Variants in RAPGEF2 observed in about 807,000 individuals in gnomAD.
RAPGEF2 encodes PDZ domain containing guanine nucleotide exchange factor (GEF) 1.
In RAPGEF2, 54 loss-of-function variants were observed where a neutral mutation model predicts 186.7. The observed-to-expected ratio is 0.29, with a 90% CI of 0.23 to 0.36. RAPGEF2 has a LOEUF of 0.36. Among genes scored for constraint, RAPGEF2 ranks in the 10% least tolerant of loss-of-function variants. The pLI is 1.00. For missense variants in RAPGEF2, 1,532 were observed against 2,045.0 expected (o/e 0.75, Z 4.84); for synonymous variants, 712 against 705.9 (o/e 1.01, Z -0.14).
intron 28 of RAPGEF2, among the ~76,000 whole-genome samples, chr4:159,354,550 G>C (rs1285943476): frequency 6.6e-6 from 1 of 152,192 alleles, no homozygotes; most frequent in Non-Finnish European, 1.5e-5. Context: ...GAAGGAGGGA[G>C]AGGTGCTAAT....
At chr4:159,295,376 G>A (rs1761811340) in intron 7 of RAPGEF2, among the ~76,000 whole-genome samples, 1 of 152,148 alleles carries the variant, frequency 6.6e-6, no homozygotes, top group Non-Finnish European at 1.5e-5. Context: ...ATTATATGCA[G>A]AGTGCATGCC....
intron 19 of RAPGEF2, 89 bp from the exon 20 acceptor site, chr4:159,341,475 C>T: frequency 2.9e-6 from 4 of 1,364,412 alleles, no homozygotes; most frequent in Admixed American, 2.5e-5. Context: ...CTCTCTCAAA[C>T]TTTCCATAAA....
intron 1 of RAPGEF2, among the ~76,000 whole-genome samples, chr4:159,106,303 C>T (rs1025422506): frequency 3.2e-4 from 49 of 152,180 alleles, no homozygotes; most frequent in African/African-American, 7.7e-4. Flanking sequence ...CTACAAATCC[C>T]CACGTTTATT....
intron 3 of RAPGEF2, among the ~76,000 whole-genome samples, chr4:159,205,252 G>A (rs975380015): frequency 6.6e-6 from 1 of 151,998 alleles, no homozygotes; most frequent in African/African-American, 2.4e-5. Flanking sequence ...CAGAAACTGG[G>A]GAATTGGGTG....
At chr4:159,309,838 A>G (rs1008582388) in intron 8 of RAPGEF2, among the ~76,000 whole-genome samples, 3 of 152,216 alleles carry the variant, frequency 2.0e-5, no homozygotes, top group African/African-American at 7.2e-5. Flanking sequence ...AGGATGTAAT[A>G]TGTAATAGAG....
intron 9 of RAPGEF2, among the ~76,000 whole-genome samples, chr4:159,321,674 G>C (rs1404634169): frequency 6.6e-6 from 1 of 152,168 alleles, no homozygotes; most frequent in African/African-American, 2.4e-5. Context: ...TTTAAAAATA[G>C]AAAACCCAGT....
intron 5 of RAPGEF2, among the ~76,000 whole-genome samples, chr4:159,240,731 A>T (rs1401684011): frequency 1.3e-5 from 2 of 152,142 alleles, no homozygotes; most frequent in Non-Finnish European, 2.9e-5. Flanking sequence ...ACCCTTGCGT[A>T]ACCTACCAAA....
intron 8 of RAPGEF2, among the ~76,000 whole-genome samples, chr4:159,308,231 A>G (rs1293394011): frequency 6.6e-6 from 1 of 151,958 alleles, no homozygotes; most frequent in Non-Finnish European, 1.5e-5. Context: ...ATCCCTGTGC[A>G]TCATTTCAGT....
At chr4:159,258,088 T>A (rs1279103286) in intron 7 of RAPGEF2, among the ~76,000 whole-genome samples, 1 of 152,220 alleles carries the variant, frequency 6.6e-6, no homozygotes, top group African/African-American at 2.4e-5. Context: ...GCAATTCTAA[T>A]AATGATAACC....
chr4:159,239,514 CTT>C (rs1007642530), intron 5 of RAPGEF2, among the ~76,000 whole-genome samples: 4 of 152,076 alleles, frequency 2.6e-5, no homozygotes, highest in African/African-American at 9.7e-5. Flanking sequence ...TCTTTTCCCT[CTT>C]TTTAATGTAA....
Position 159,346,905 on chromosome 4 carries a change from C to G in RAPGEF2, c.3619C>G (p.Pro1207Ala). ...GCCACAGCCCCAGCAGCAGCCACCA[C>G]CAGCACATAAAATCAACCAGGGACT... ...SLPQPQQQPP[P>A]AHKINQGLQV... Residue 1207 changes from proline to alanine, a missense_variant, in exon 25 of 30, where the codon CCA (proline) becomes GCA (alanine). By Grantham distance (27) the Pro-to-Ala change is conservative. Around this residue, in one of 4 missense-constraint regions of RAPGEF2, gnomAD observed 594 missense variants for 608.5 expected, o/e 0.98. Transcript: ENST00000691494. 6.2e-7 allele frequency: 1 copy of G among 1,614,178 alleles called. No homozygotes were observed. Among genetic ancestry groups the G allele is most frequent in the Non-Finnish European group, 8.5e-7 (1 of 1,180,022 alleles).
chr4:159,232,659 GC>G (rs1206359711), intron 4 of RAPGEF2, among the ~76,000 whole-genome samples: 1 of 152,122 alleles, frequency 6.6e-6, no homozygotes, highest in Non-Finnish European at 1.5e-5. Context: ...GGCTAGAATT[GC>G]TGTGTCATAT....
At position 159,151,390 on chromosome 4, in the gene RAPGEF2, C is replaced by T. The variant is rs78237017; in HGVS notation, c.70-35252C>T. Among the ~76,000 whole-genome samples, 1,311 of 152,290 alleles carry T rather than the reference C, an allele frequency of 8.6e-3. 15 individuals are homozygous for T. Among genetic ancestry groups the T allele is most frequent in the African/African-American group, 0.03 (1,259 of 41,544 alleles). ...TGCAGTCAAATGACCCAATTTTGAGCAGTGCTTGTTAGCTGATTATTAAAT... is the reference window on the plus strand; with the variant it reads ...TGCAGTCAAATGACCCAATTTTGAGTAGTGCTTGTTAGCTGATTATTAAAT... On this transcript the variant is annotated intron_variant, in intron 1 of 29. Coordinates refer to ENST00000691494, the MANE Select transcript of RAPGEF2 (RefSeq NM_001394067.2).
chr4:159,239,485 G>T (rs1452892680), intron 5 of RAPGEF2, among the ~76,000 whole-genome samples: 1 of 152,114 alleles, frequency 6.6e-6, no homozygotes, highest in African/African-American at 2.4e-5. Flanking sequence ...TATTATGCTG[G>T]TTAAACACTC....
chr4:159,310,803 G>A (rs1022561891), intron 8 of RAPGEF2, among the ~76,000 whole-genome samples: 26 of 152,086 alleles, frequency 1.7e-4, no homozygotes, highest in African/African-American at 5.3e-4. Context: ...AATATAAAGC[G>A]TCTGTTTTAG....
intron 2 of RAPGEF2, 131 bp downstream of exon 2, chr4:159,186,843 G>T (rs1747603987): frequency 1.9e-6 from 1 of 520,178 alleles, no homozygotes; most frequent in Non-Finnish European, 3.3e-6. Context: ...GGTACATTCT[G>T]ATATTTTAAT....
At chr4:159,239,360 C>T (rs943183729) in intron 5 of RAPGEF2, among the ~76,000 whole-genome samples, 4 of 152,100 alleles carry the variant, frequency 2.6e-5, no homozygotes, top group Non-Finnish European at 5.9e-5. Flanking sequence ...TTAATTCATT[C>T]ATTAGAGTTT....
chr4:159,230,329 A>G (rs1184335078), intron 4 of RAPGEF2, among the ~76,000 whole-genome samples: 1 of 152,198 alleles, frequency 6.6e-6, no homozygotes, highest in East Asian at 1.9e-4. Context: ...TTTCTGAAAG[A>G]CAGCTATTCA....
rs143909222 is a variant in RAPGEF2, at chr4:159,310,078, ATACTC to A, written c.676-4512_676-4508del. 4.5e-3 allele frequency among the ~76,000 whole-genome samples: 686 copies of A among 152,312 alleles called. 5 individuals carry two copies. The highest frequency in any genetic ancestry group is 0.016 in the African/African-American group (647 of 41,582). On this transcript the variant is annotated intron_variant, in intron 8 of 29. Coordinates refer to ENST00000691494, the MANE Select transcript of RAPGEF2 (RefSeq NM_001394067.2). Reference sequence around the variant, plus strand: ...TAACTGATTTACACAAATAAGAAAAATACTCAGCTCACAATGTTAAAATGTTCAAA... The same window carrying A: ...TAACTGATTTACACAAATAAGAAAAAAGCTCACAATGTTAAAATGTTCAAA...
Sources: gnomAD v4.1 joint callset for allele counts (sites outside exome capture counted in the v4.1 genomes callset) on GRCh38, gnomAD v4.1.1 for gene constraint, gnomAD v4.1.1 regional missense constraint, MANE v1.5 for transcripts, NCBI Gene and HGNC (gene_info 2026-07-23, HGNC 2026-07-21) for gene names.